ADAMTSL1: variants seen among roughly 807,000 people sequenced by gnomAD.
ADAMTSL1 encodes the protein ADAMTS like 1, also known as ADAMTS-like protein 1.
In ADAMTSL1, 126 loss-of-function variants were observed where a neutral mutation model predicts 201.8. The observed-to-expected ratio is 0.62, with a 90% CI of 0.54 to 0.72. The LOEUF is 0.72. Ranked by LOEUF, ADAMTSL1 falls within the 30% of genes least tolerant of loss-of-function variation. The pLI, the probability that ADAMTSL1 is intolerant of heterozygous loss-of-function variation, is 0.00. For missense variants in ADAMTSL1, 2,679 were observed against 2,277.8 expected, an observed-to-expected ratio of 1.18 and a Z score of -3.59; for synonymous variants, 1,121 against 903.4, an observed-to-expected ratio of 1.24 and a Z score of -4.32.
intron 23 of ADAMTSL1, among the ~76,000 whole-genome samples, chr9:18,886,284 G>T (rs4977457): frequency 8.8e-5 from 13 of 148,190 alleles, no homozygotes; most frequent in African/African-American, 2.7e-4. Flanking sequence ...TGGACATGGT[G>T]GTGCACACCT....
At chr9:18,443,768 A>G (rs1265966548) in intron 2 of ADAMTSL1, among the ~76,000 whole-genome samples, 2 of 152,222 alleles carry the variant, frequency 1.3e-5, no homozygotes, top group South Asian at 2.1e-4. Context: ...TTCAGTGTAC[A>G]TGGATTATAG....
At chr9:17,931,355 GA>G (rs71492928) in intron 1 of ADAMTSL1, among the ~76,000 whole-genome samples, 21,926 of 152,102 alleles carry the variant, frequency 0.14, 2,022 homozygotes, top group East Asian at 0.3. Context: ...GTGGGCTGCT[GA>G]ATTCTTTCTA....
At chr9:18,584,212 T>G (rs1317596311) in intron 4 of ADAMTSL1, among the ~76,000 whole-genome samples, 1 of 152,154 alleles carries the variant, frequency 6.6e-6, no homozygotes, top group African/African-American at 2.4e-5. Context: ...GGTGATTGAA[T>G]TATGGGTGCA....
intron 23 of ADAMTSL1, among the ~76,000 whole-genome samples, chr9:18,863,046 AC>A (rs1419054099): frequency 6.6e-6 from 1 of 152,088 alleles, no homozygotes; most frequent in African/African-American, 2.4e-5. Context: ...CCTGCCTGCT[AC>A]CCCCTAGAGG....
At chr9:18,205,218 C>G (rs1028073848) in intron 2 of ADAMTSL1, among the ~76,000 whole-genome samples, 13 of 152,010 alleles carry the variant, frequency 8.6e-5, no homozygotes, top group African/African-American at 3.1e-4. Context: ...AATTAAAAAG[C>G]CATCAAAAGA....
intron 5 of ADAMTSL1, among the ~76,000 whole-genome samples, chr9:18,632,445 G>A (rs1468543015): frequency 6.6e-6 from 1 of 152,146 alleles, no homozygotes; most frequent in African/African-American, 2.4e-5. Context: ...AACATCTTAG[G>A]TATACACGGG....
chr9:18,644,922 C>G (rs1190855793), intron 7 of ADAMTSL1, among the ~76,000 whole-genome samples: 2 of 151,628 alleles, frequency 1.3e-5, no homozygotes, highest in Non-Finnish European at 2.9e-5. Flanking sequence ...ATGGCTGGGT[C>G]AAATGGTATT....
chr9:18,569,508 T>C (rs1822162757), intron 3 of ADAMTSL1, among the ~76,000 whole-genome samples: 1 of 152,202 alleles, frequency 6.6e-6, no homozygotes, highest in Admixed American at 6.5e-5. Flanking sequence ...TAGAGTTTAT[T>C]GGAAATAGGC....
intron 1 of ADAMTSL1, among the ~76,000 whole-genome samples, chr9:18,018,188 C>G (rs925366435): frequency 6.6e-6 from 1 of 152,084 alleles, no homozygotes; most frequent in African/African-American, 2.4e-5. Context: ...TTTGGTGACT[C>G]TTGCTTAAGA....
At chr9:18,291,741 TCTCTCTCA>T (rs879421252) in intron 2 of ADAMTSL1, among the ~76,000 whole-genome samples, 3,246 of 123,816 alleles carry the variant, frequency 0.026, 45 homozygotes, top group African/African-American at 0.061. Flanking sequence ...TCTCTCTCTC[TCTCTCTCA>T]CACACACACA....
At chr9:18,425,422 C>T (rs1230892965) in intron 2 of ADAMTSL1, among the ~76,000 whole-genome samples, 1 of 152,150 alleles carries the variant, frequency 6.6e-6, no homozygotes, top group Non-Finnish European at 1.5e-5. Context: ...AATATACCCT[C>T]TCCCAAAAAT....
At chr9:18,757,855 G>T (rs1271226365) in intron 16 of ADAMTSL1, among the ~76,000 whole-genome samples, 2 of 152,294 alleles carry the variant, frequency 1.3e-5, no homozygotes, top group Middle Eastern at 6.8e-3. Flanking sequence ...TGTTAGAAAG[G>T]TACATGCCCA....
chr9:18,055,708 G>A (rs1822152453), intron 1 of ADAMTSL1, among the ~76,000 whole-genome samples: 1 of 152,144 alleles, frequency 6.6e-6, no homozygotes, highest in African/African-American at 2.4e-5. Context: ...TAAAATCACT[G>A]GATCTGCACA....
rs1825329583 is a variant in ADAMTSL1, at chr9:18,118,060, A to G, written c.88-45802A>G. The stretch of plus-strand genomic sequence containing the variant: ...TCATGAATGTATTGTTATCTGAAGC[A>G]CAAAAATAAATTCCTATAGAAACAT... On this transcript the variant is annotated intron_variant, in intron 1 of 29. Transcript: ENST00000680146. 2.0e-5 allele frequency among the ~76,000 whole-genome samples: 3 copies of G among 152,340 alleles called. No homozygotes were observed. The South Asian group carries it at 6.2e-4, about 32-fold the overall frequency.
At chr9:18,862,130 A>T (rs1827252494) in intron 23 of ADAMTSL1, among the ~76,000 whole-genome samples, 1 of 152,152 alleles carries the variant, frequency 6.6e-6, no homozygotes, top group African/African-American at 2.4e-5. Context: ...GATACGTGCT[A>T]GGAATATTAG....
chr9:18,185,078 G>A (rs1828674406), intron 2 of ADAMTSL1, among the ~76,000 whole-genome samples: 1 of 152,080 alleles, frequency 6.6e-6, no homozygotes, highest in Non-Finnish European at 1.5e-5. Flanking sequence ...TAATCTCTAT[G>A]GCTCAAAGAT....
At chr9:18,357,238 C>T (rs117084237) in intron 2 of ADAMTSL1, among the ~76,000 whole-genome samples, 1,693 of 152,056 alleles carry the variant, frequency 0.011, 33 homozygotes, top group Admixed American at 0.054. Flanking sequence ...GTAGGGCCAC[C>T]CCAAGCAAAG....
intron 2 of ADAMTSL1, among the ~76,000 whole-genome samples, chr9:18,333,403 A>C (rs903410832): frequency 6.6e-6 from 1 of 152,090 alleles, no homozygotes; most frequent in African/African-American, 2.4e-5. Flanking sequence ...TCCTGTGAAG[A>C]GGTGCATTCC....
chr9:18,533,138 A>G (rs1314191261), intron 2 of ADAMTSL1, 109 bp from the exon 3 acceptor site: 1 of 753,812 alleles, frequency 1.3e-6, no homozygotes, highest in South Asian at 2.0e-5. Context: ...TGCTTAGAAG[A>G]AAAGAGAGGC....
Sources: allele counts gnomAD v4.1 joint callset (sites outside exome capture counted in the v4.1 genomes callset), GRCh38; gene constraint gnomAD v4.1.1; transcripts MANE v1.5; gene names NCBI Gene and HGNC (gene_info 2026-07-23, HGNC 2026-07-21).